Variants in MAP3K13 observed in about 807,000 individuals in gnomAD.
MAP3K13 encodes leucine zipper-bearing kinase.
Under a neutral mutation model 104.0 loss-of-function variants are expected in MAP3K13, and 52 were observed. That is an observed-to-expected ratio of 0.50 (90% CI 0.40 to 0.63). The LOEUF (loss-of-function observed/expected upper bound fraction) is 0.63. MAP3K13 is among the 20% of genes least tolerant of loss of function. The probability of loss-of-function intolerance (pLI) is 0.00; values close to 1 mark genes in which losing one functional copy is unlikely to be tolerated. For synonymous variants in MAP3K13, 394 were observed against 442.2 expected, an observed-to-expected ratio of 0.89 and a Z score of 1.37; for missense variants, 914 against 1,218.5, an observed-to-expected ratio of 0.75 and a Z score of 3.72.
At chr3:185,284,749 A>C (rs981503909) in intron 1 of MAP3K13, among the ~76,000 whole-genome samples, 1 of 149,486 alleles carries the variant, frequency 6.7e-6, no homozygotes. Context: ...TAAATAAATA[A>C]ATAAAATTTA....
intron 2 of MAP3K13, among the ~76,000 whole-genome samples, chr3:185,331,386 C>T (rs151187778): frequency 0.041 from 6,217 of 152,038 alleles, 205 homozygotes; most frequent in Non-Finnish European, 0.065. Context: ...TGAACCACTG[C>T]GCCTGGCCTT....
At chr3:185,287,122 A>G (rs951950201) in intron 2 of MAP3K13, among the ~76,000 whole-genome samples, 6 of 152,176 alleles carry the variant, frequency 3.9e-5, no homozygotes, top group African/African-American at 1.4e-4. Flanking sequence ...AAGAATACTC[A>G]GTGCTTAGTC....
chr3:185,385,058 T>C (rs932327296), intron 1 of MAP3K13, among the ~76,000 whole-genome samples: 1 of 152,296 alleles, frequency 6.6e-6, no homozygotes, highest in East Asian at 1.9e-4. Context: ...TTTTTTCTAG[T>C]AGTTTTATAG....
rs542228832 is a variant in MAP3K13, at chr3:185,396,098, C to T, written c.-85-32399C>T. On this transcript the variant is annotated intron_variant, in intron 1 of 13. Coordinates refer to ENST00000265026, the MANE Select transcript of MAP3K13 (RefSeq NM_004721.5). Reference sequence around the variant, plus strand: ...ACAAATAGGTATATTCGGCCAGGTGCGGTGGCTCACGCCTGTAATCCCAGC... The same window carrying T: ...ACAAATAGGTATATTCGGCCAGGTGTGGTGGCTCACGCCTGTAATCCCAGC... Among the ~76,000 whole-genome samples the T allele has an allele frequency of 4.3e-4, 66 of 151,968 alleles. 1 individual carries two copies. Among genetic ancestry groups the T allele is most frequent in the Admixed American group, 2.8e-3 (43 of 15,264 alleles).
chr3:185,357,745 T>C (rs1346098412), intron 2 of MAP3K13, among the ~76,000 whole-genome samples: 1 of 152,216 alleles, frequency 6.6e-6, no homozygotes, highest in Non-Finnish European at 1.5e-5. Context: ...AGAAGAATCT[T>C]ATATCCCTCA....
At chr3:185,370,875 T>C (rs920874994) in intron 1 of MAP3K13, among the ~76,000 whole-genome samples, 2 of 152,306 alleles carry the variant, frequency 1.3e-5, no homozygotes, top group African/African-American at 4.8e-5. Context: ...AAATAACCTT[T>C]GTTAGTGCTC....
Position 185,287,242 on chromosome 3 carries a change from G to T in MAP3K13, c.-86+1599G>T, listed in dbSNP as rs557378381. On this transcript the variant is annotated intron_variant, in intron 2 of 14. Coordinates refer to the MAP3K13 transcript ENST00000424227. ...GCTAGGTTAGTATTGCAGTGGCATA[G>T]TTCTGAACTTCACAGTATTACTGAA... is the stretch of plus-strand genomic sequence containing the variant. Among the ~76,000 whole-genome samples, 3 of 152,266 alleles carry T rather than the reference G, an allele frequency of 2.0e-5. No homozygotes were observed. In the South Asian group the frequency reaches 6.2e-4, roughly 32 times the overall value.
At position 185,445,955 on chromosome 3, in the gene MAP3K13, C is replaced by T. The variant is rs1421665815; in HGVS notation, c.852-1834C>T. Among the ~76,000 whole-genome samples, 3 of 152,172 alleles carry T rather than the reference C, an allele frequency of 2.0e-5. No homozygotes were observed. In the East Asian group the frequency reaches 5.8e-4, roughly 29 times the overall value. On this transcript the variant is annotated intron_variant, in intron 4 of 13. Coordinates refer to ENST00000265026, the MANE Select transcript of MAP3K13 (RefSeq NM_004721.5). The stretch of plus-strand genomic sequence containing the variant: ...TGTATGATATCAATTCTCCAATTCT[C>T]TCATATATCCCATAATATTTTAATC...
At chr3:185,410,217 G>C (rs1355859635) in intron 1 of MAP3K13, among the ~76,000 whole-genome samples, 1 of 152,156 alleles carries the variant, frequency 6.6e-6, no homozygotes, top group Non-Finnish European at 1.5e-5. Context: ...CCCTGGCCTA[G>C]AGGACATTAT....
chr3:185,395,357 C>CTTTCTTTTTTTTTTTTTTTTTTTTT (rs1553798321), intron 1 of MAP3K13, among the ~76,000 whole-genome samples: 1 of 69,978 alleles, frequency 1.4e-5, no homozygotes, highest in East Asian at 5.3e-4. Context: ...AATATTATTT[C>CTTTCTTTTTTTTTTTTTTTTTTTTT]TTTTTTTTTT....
intron 2 of MAP3K13, among the ~76,000 whole-genome samples, chr3:185,344,887 AT>A (rs199996317): frequency 6.2e-4 from 91 of 145,936 alleles, no homozygotes; most frequent in East Asian, 4.6e-3. Flanking sequence ...CTCATAATTT[AT>A]TTTTTTTTTT....
chr3:185,390,621 ATTTT>A (rs750832762), intron 1 of MAP3K13, among the ~76,000 whole-genome samples: 2 of 123,684 alleles, frequency 1.6e-5, no homozygotes. Context: ...TACAGTCAGA[ATTTT>A]TTTTTTTTTT....
intron 2 of MAP3K13, among the ~76,000 whole-genome samples, chr3:185,289,019 G>A (rs936631939): frequency 2.6e-5 from 4 of 152,092 alleles, no homozygotes; most frequent in South Asian, 2.1e-4. Flanking sequence ...TTTACTCAAC[G>A]TTTTGATCCT....
chr3:185,455,107 G>GATAT (rs1320996713), intron 7 of MAP3K13, among the ~76,000 whole-genome samples: 19 of 110,390 alleles, frequency 1.7e-4, no homozygotes, highest in Admixed American at 8.3e-4. Context: ...ATATATGTGA[G>GATAT]ATATATGAGA....
At chr3:185,350,254 C>T (rs771434178) in intron 2 of MAP3K13, among the ~76,000 whole-genome samples, 1 of 152,286 alleles carries the variant, frequency 6.6e-6, no homozygotes, top group Middle Eastern at 3.4e-3. Context: ...GGCGCGATCT[C>T]GGCTCACGGC....
chr3:185,446,744 A>G (rs1163433596), intron 4 of MAP3K13, among the ~76,000 whole-genome samples: 2 of 152,222 alleles, frequency 1.3e-5, no homozygotes, highest in East Asian at 3.8e-4. Flanking sequence ...CCCAAACATC[A>G]TGGTCTCATT....
At chr3:185,454,906 T>TGA (rs1716312054) in intron 7 of MAP3K13, among the ~76,000 whole-genome samples, 1 of 103,426 alleles carries the variant, frequency 9.7e-6, no homozygotes, top group East Asian at 2.7e-4. Context: ...GATATATATA[T>TGA]GATATATATA....
At chr3:185,440,234 C>A (rs1190987794) in intron 3 of MAP3K13, among the ~76,000 whole-genome samples, 1 of 152,098 alleles carries the variant, frequency 6.6e-6, no homozygotes, top group African/African-American at 2.4e-5. Flanking sequence ...GATTATAGAG[C>A]TGTTATTTAT....
intron 1 of MAP3K13, among the ~76,000 whole-genome samples, chr3:185,402,340 A>G (rs147378497): frequency 6.6e-6 from 1 of 152,042 alleles, no homozygotes. Flanking sequence ...TTTTTTCTAC[A>G]AATTATTTTT....
Sources: allele counts gnomAD v4.1 joint callset (sites outside exome capture counted in the v4.1 genomes callset), GRCh38; gene constraint gnomAD v4.1.1; transcripts MANE v1.5; gene names NCBI Gene and HGNC (gene_info 2026-07-23, HGNC 2026-07-21).